The following TAFA2 variants were observed in gnomAD, a reference collection of about 807,000 sequenced individuals.
TAFA2 encodes the protein TAFA chemokine like family member 2, also known as chemokine-like protein TAFA-2.
TAFA2 carries 7 observed loss-of-function variants against 18.8 expected under a neutral mutation model. The observed-to-expected ratio is 0.37, with a 90% CI of 0.21 to 0.70. The LOEUF is 0.70. Among genes scored for constraint, TAFA2 ranks in the 30% least tolerant of loss-of-function variants. The pLI is 0.53. For missense variants in TAFA2, 122 were observed against 158.1 expected, an observed-to-expected ratio of 0.77 and a Z score of 1.23; for synonymous variants, 60 against 54.2, an observed-to-expected ratio of 1.11 and a Z score of -0.47.
At chr12:62,124,450 A>C (rs955670742) in intron 1 of TAFA2, among the ~76,000 whole-genome samples, 8 of 152,154 alleles carry the variant, frequency 5.3e-5, no homozygotes, top group African/African-American at 1.9e-4. Flanking sequence ...TGGAATCACA[A>C]AGTGCATTCC....
chr12:62,158,479 C>A (rs551599179), intron 1 of TAFA2, among the ~76,000 whole-genome samples: 2 of 152,140 alleles, frequency 1.3e-5, no homozygotes, highest in Non-Finnish European at 2.9e-5. Flanking sequence ...TTTATTAGCA[C>A]GTAAGAAGCT....
intron 1 of TAFA2, among the ~76,000 whole-genome samples, chr12:61,886,788 T>C (rs536110572): frequency 6.6e-6 from 1 of 152,294 alleles, no homozygotes; most frequent in South Asian, 2.1e-4. Flanking sequence ...GGTTCATGAA[T>C]TGGGGGGCTA....
chr12:62,147,286 GTATGTATA>G (rs1247313136), intron 1 of TAFA2, among the ~76,000 whole-genome samples: 1 of 122,432 alleles, frequency 8.2e-6, no homozygotes, highest in Admixed American at 8.1e-5. Flanking sequence ...GTATATATAT[GTATGTATA>G]TATGTATGCA....
At chr12:61,713,987 A>C in intron 4 of TAFA2, among the ~76,000 whole-genome samples, 1 of 152,188 alleles carries the variant, frequency 6.6e-6, no homozygotes, top group East Asian at 1.9e-4. Context: ...TTTCATTCAA[A>C]CTGTATTTTT....
intron 1 of TAFA2, among the ~76,000 whole-genome samples, chr12:62,104,214 T>A: frequency 6.6e-6 from 1 of 152,136 alleles, no homozygotes; most frequent in Non-Finnish European, 1.5e-5. Context: ...AACGTGCCAT[T>A]TAGCTAATCC....
chr12:61,714,908 AGGCT>A (rs1280732356), intron 4 of TAFA2, among the ~76,000 whole-genome samples: 1 of 152,232 alleles, frequency 6.6e-6, no homozygotes, highest in Admixed American at 6.5e-5. Context: ...CAAATAGCTC[AGGCT>A]TTGTTCGGCA....
In TAFA2 at chr12:62,147,266, A is replaced by G. The variant is rs542387260; in HGVS notation, c.-2+43993T>C. Among the ~76,000 whole-genome samples, 41 of 145,340 alleles carry G rather than the reference A, an allele frequency of 2.8e-4. No individual in the cohort carries two copies. The South Asian group carries it at 5.9e-3, about 21-fold the overall frequency. Reference sequence around the variant, plus strand: ...TATGTATATATGTATGTGTATATATATGTGTGTGTGTATATATATGTATGT... The same window carrying G: ...TATGTATATATGTATGTGTATATATGTGTGTGTGTGTATATATATGTATGT... On this transcript the variant is annotated intron_variant, in intron 1 of 4. Coordinates refer to ENST00000416284, the MANE Select transcript of TAFA2 (RefSeq NM_178539.5).
intron 4 of TAFA2, among the ~76,000 whole-genome samples, chr12:61,735,236 T>C (rs980843461): frequency 2.0e-5 from 3 of 152,064 alleles, no homozygotes; most frequent in Non-Finnish European, 2.9e-5. Context: ...GTATTGATAT[T>C]TGCATAGTGT....
At chr12:61,896,416 C>A (rs1268352853) in intron 1 of TAFA2, among the ~76,000 whole-genome samples, 1 of 152,186 alleles carries the variant, frequency 6.6e-6, no homozygotes, top group African/African-American at 2.4e-5. Context: ...TTTTCATCCA[C>A]CCAGGGATTC....
intron 2 of TAFA2, among the ~76,000 whole-genome samples, chr12:61,824,875 T>C (rs558065198): frequency 6.6e-6 from 1 of 152,286 alleles, no homozygotes; most frequent in East Asian, 1.9e-4. Flanking sequence ...TGCAAGAGTT[T>C]AAATTGTTTG....
intron 1 of TAFA2, among the ~76,000 whole-genome samples, chr12:62,124,923 C>T (rs981967308): frequency 8.5e-5 from 13 of 152,130 alleles, no homozygotes; most frequent in African/African-American, 2.4e-4. Context: ...TAACTCACTA[C>T]ATAATTTGAA....
chr12:61,965,721 T>G (rs1879044292), intron 1 of TAFA2, among the ~76,000 whole-genome samples: 1 of 151,882 alleles, frequency 6.6e-6, no homozygotes, highest in Non-Finnish European at 1.5e-5. Flanking sequence ...TATCACATAA[T>G]TACTGCTACT....
intron 1 of TAFA2, among the ~76,000 whole-genome samples, chr12:61,896,933 T>C (rs1215829726): frequency 6.6e-6 from 1 of 152,210 alleles, no homozygotes; most frequent in Non-Finnish European, 1.5e-5. Flanking sequence ...TCTGATAACA[T>C]GATAATCTAG....
chr12:61,737,159 G>A (rs2120681600), intron 4 of TAFA2, among the ~76,000 whole-genome samples: 1 of 151,718 alleles, frequency 6.6e-6, no homozygotes, highest in East Asian at 1.9e-4. Flanking sequence ...AAAAAATCTA[G>A]GTCTATTTTA....
chr12:62,076,282 A>C (rs1441415551), intron 1 of TAFA2, among the ~76,000 whole-genome samples: 1 of 152,190 alleles, frequency 6.6e-6, no homozygotes, highest in Non-Finnish European at 1.5e-5. Context: ...AATTTATTTG[A>C]AGTTTCTTTG....
At chr12:62,224,939 G>A (rs1482911405) in intron 1 of TAFA2, among the ~76,000 whole-genome samples, 1 of 151,842 alleles carries the variant, frequency 6.6e-6, no homozygotes, top group Non-Finnish European at 1.5e-5. Context: ...TGAAAAAGAA[G>A]AGCATTAAAA....
At chr12:61,750,505 C>G (rs79034902) in intron 4 of TAFA2, among the ~76,000 whole-genome samples, 9,586 of 151,992 alleles carry the variant, frequency 0.063, 1,005 homozygotes, top group African/African-American at 0.22. Flanking sequence ...GGGTCAGAAC[C>G]AAAAAAATTC....
chr12:61,807,065 TC>T (rs1238590775), intron 2 of TAFA2, among the ~76,000 whole-genome samples: 7 of 146,316 alleles, frequency 4.8e-5, no homozygotes. Context: ...CAAATGTTAA[TC>T]CCCAAAACAA....
chr12:62,120,413 A>G lies in TAFA2; in HGVS notation c.-2+70846T>C, dbSNP rs114837566. 7.9e-3 allele frequency among the ~76,000 whole-genome samples: 1,210 copies of G among 152,372 alleles called. 17 individuals are homozygous for G. Among genetic ancestry groups the G allele is most frequent in the African/African-American group, 0.028 (1,146 of 41,594 alleles). On this transcript the variant is annotated intron_variant, in intron 1 of 4. Transcript: ENST00000416284. ...TATGTAGGAAATTTAAAATAGAAGC[A>G]GTCAATAGCGGTAAAATTTTTAAAC...
Sources: gnomAD v4.1 joint callset for allele counts (sites outside exome capture counted in the v4.1 genomes callset) on GRCh38, gnomAD v4.1.1 for gene constraint, MANE v1.5 for transcripts, NCBI Gene and HGNC (gene_info 2026-07-23, HGNC 2026-07-21) for gene names.